The following ANTXRL variants were observed in gnomAD, a reference collection of about 807,000 sequenced individuals.
ANTXRL encodes ANTXR like.
Under a neutral mutation model 75.4 loss-of-function variants are expected in ANTXRL, and 63 were observed. The observed-to-expected ratio is 0.84, with a 90% CI of 0.68 to 1.03. The LOEUF (loss-of-function observed/expected upper bound fraction) is 1.03. ANTXRL is among the 50% of genes least tolerant of loss of function. The pLI is 0.00. For synonymous variants in ANTXRL, 335 were observed against 291.3 expected, an observed-to-expected ratio of 1.15 and a Z score of -1.53; for missense variants, 797 against 789.4, an observed-to-expected ratio of 1.01 and a Z score of -0.12.
intron 9 of ANTXRL, among the ~76,000 whole-genome samples, chr10:46,298,766 T>G (rs1837538930): frequency 6.6e-6 from 1 of 150,650 alleles, no homozygotes; most frequent in Non-Finnish European, 1.5e-5. Flanking sequence ...GTGTGTTTGC[T>G]ATTTATGTGT....
intron 16 of ANTXRL, among the ~76,000 whole-genome samples, chr10:46,328,386 C>T (rs1839329954): frequency 2.0e-5 from 3 of 152,110 alleles, no homozygotes; most frequent in Non-Finnish European, 4.4e-5. Flanking sequence ...AACAATTCTC[C>T]TTGAAAAGGC....
chr10:46,318,309 G>A (rs1838831636), intron 16 of ANTXRL, among the ~76,000 whole-genome samples: 2 of 151,966 alleles, frequency 1.3e-5, no homozygotes, highest in African/African-American at 2.4e-5. Context: ...CCATATATAA[G>A]TGTAACACAA....
intron 3 of ANTXRL, among the ~76,000 whole-genome samples, chr10:46,295,643 C>T (rs546481704): frequency 9.6e-5 from 13 of 135,414 alleles, no homozygotes; most frequent in African/African-American, 3.4e-4. Context: ...ACCCCATTGT[C>T]AGTGGCTGAC....
intron 1 of ANTXRL, among the ~76,000 whole-genome samples, chr10:46,289,926 C>T (rs2132635911): frequency 6.6e-6 from 1 of 152,148 alleles, no homozygotes; most frequent in South Asian, 2.1e-4. Context: ...TCTGTCTGAC[C>T]TTTTTCACTT....
intron 16 of ANTXRL, among the ~76,000 whole-genome samples, chr10:46,318,434 G>A (rs1554965035): frequency 6.6e-6 from 1 of 151,920 alleles, no homozygotes; most frequent in Non-Finnish European, 1.5e-5. Context: ...GAATTCATGA[G>A]CTTGCTATGT....
intron 13 of ANTXRL, among the ~76,000 whole-genome samples, chr10:46,309,941 A>G (rs1279765829): frequency 3.9e-5 from 6 of 152,066 alleles, no homozygotes; most frequent in African/African-American, 1.4e-4. Context: ...GGGTGGACGG[A>G]CCCAGCTCAG....
chr10:46,310,140 G>A (rs782390476), intron 13 of ANTXRL, among the ~76,000 whole-genome samples: 1 of 152,118 alleles, frequency 6.6e-6, no homozygotes, highest in Non-Finnish European at 1.5e-5. Context: ...TGGGGCGAAC[G>A]CTGTCTTCTC....
rs554361544 is a variant in ANTXRL at position 46,329,825 on chromosome 10, G to A, written c.1637G>A (p.Arg546His). 4.0e-5 allele frequency: 62 copies of A among 1,531,860 alleles called. 1 individual carries two copies. The African/African-American group carries it at 5.7e-4, about 14-fold the overall frequency. 94.9% of individuals were successfully genotyped at this position (1,531,860 alleles called of 1,614,324 possible). The change falls in exon 17 of 17, where the codon CGC becomes CAC. Residue 546 changes from arginine (R) to histidine (H), a missense_variant. Physicochemically the swap from Arg to His is conservative, Grantham distance 29 (BLOSUM62 0). Coordinates refer to ENST00000620264, the MANE Select transcript of ANTXRL (RefSeq NM_001278688.3). Reference sequence around the variant, plus strand: ...CAACACAGCAGGGAGTGCCTTGCCCGCAAACAGGCTCCCTGCAGCCCAAGG... The same window carrying A: ...CAACACAGCAGGGAGTGCCTTGCCCACAAACAGGCTCCCTGCAGCCCAAGG... ...HSQHSRECLA[R>H]KQAPCSPRIC...
At chr10:46,308,351 G>A in intron 12 of ANTXRL, 1 of 415,372 alleles carries the variant, frequency 2.4e-6, no homozygotes. Flanking sequence ...CTCAGCCTCA[G>A]TGGTTCCTCT....
chr10:46,328,213 A>T (rs1368751004), intron 16 of ANTXRL, among the ~76,000 whole-genome samples: 2 of 152,180 alleles, frequency 1.3e-5, no homozygotes. Flanking sequence ...GAGTCTGAAA[A>T]GGTGAGCAGC....
chr10:46,292,000 C>T, intron 1 of ANTXRL, 58 bp from the exon 2 acceptor site: 3 of 1,466,676 alleles, frequency 2.0e-6, no homozygotes, highest in Non-Finnish European at 2.8e-6. Flanking sequence ...GCGGGGCAGA[C>T]ACTTGCCCAT....
intron 9 of ANTXRL, 107 bp from the exon 10 acceptor site, chr10:46,302,604 TCCTTACAGGAG>T (rs1554960830): frequency 1.4e-6 from 1 of 696,188 alleles, no homozygotes; most frequent in African/African-American, 1.8e-5. Context: ...CACAGCTCTT[TCCTTACAGGAG>T]CCTCTGTGAA....
chr10:46,303,248 GT>G (rs1837866215), intron 10 of ANTXRL, among the ~76,000 whole-genome samples: 1 of 152,192 alleles, frequency 6.6e-6, no homozygotes, highest in Non-Finnish European at 1.5e-5. Context: ...AGAGGGGTAT[GT>G]TTACCTTGCA....
rs548187942 is a variant in ANTXRL at position 46,325,272 on chromosome 10, A to C, written c.1411-4327A>C. ...GAGCCTTGGTGGTAGACTGAGACAAAAGTCAACAATCTCCTTTCCCAGTGT... is the reference window on the plus strand; with the variant it reads ...GAGCCTTGGTGGTAGACTGAGACAACAGTCAACAATCTCCTTTCCCAGTGT... On this transcript the variant is annotated intron_variant, in intron 16 of 16. Coordinates refer to ENST00000620264, the MANE Select transcript of ANTXRL (RefSeq NM_001278688.3). 2.0e-5 allele frequency among the ~76,000 whole-genome samples: 3 copies of C among 152,160 alleles called. No homozygotes were observed. In the East Asian group the frequency reaches 5.8e-4, roughly 29 times the overall value.
Position 46,287,332 on chromosome 10 carries a change from CT to C in ANTXRL, c.75del (p.Phe25LeufsTer63). ...GCTGCTGCTGCTGCTTCCTCCACCG[CT>C]TTTTAGAGCAGGAAGCCTTCGGTAC... ...FLLLLLLPPP[L>X]FRAGSLRYHG... is the part of the protein sequence containing the mutation. On this transcript the variant is annotated frameshift_variant, in exon 1 of 17. Transcript: ENST00000620264. LOFTEE classifies it high-confidence loss of function. 3 of 1,536,014 alleles carry C rather than the reference CT, an allele frequency of 2.0e-6. No homozygotes were observed. Among genetic ancestry groups the C allele is most frequent in the Non-Finnish European group, 2.6e-6 (3 of 1,146,776 alleles).
At chr10:46,305,854 G>A (rs78627049) in intron 10 of ANTXRL, among the ~76,000 whole-genome samples, 3,688 of 151,774 alleles carry the variant, frequency 0.024, 70 homozygotes, top group Non-Finnish European at 0.037. Context: ...GGTAAATGGT[G>A]TCGCTGTCCA....
chr10:46,311,409 G>C, intron 14 of ANTXRL, 101 bp from the exon 15 acceptor site: 2 of 1,404,192 alleles, frequency 1.4e-6, no homozygotes, highest in Non-Finnish European at 1.9e-6. Flanking sequence ...CTGTGGTGTG[G>C]GTTTCTTTCT....
At chr10:46,290,459 C>T (rs1836939956) in intron 1 of ANTXRL, among the ~76,000 whole-genome samples, 1 of 152,164 alleles carries the variant, frequency 6.6e-6, no homozygotes, top group African/African-American at 2.4e-5. Context: ...ACTCTCACTT[C>T]TTTTTGGTAT....
chr10:46,326,727 C>T (rs186531583), intron 16 of ANTXRL, among the ~76,000 whole-genome samples: 3 of 152,198 alleles, frequency 2.0e-5, no homozygotes, highest in Admixed American at 1.3e-4. Context: ...GAGTGACCTG[C>T]ACTCTGGGTC....
Sources: gnomAD v4.1 joint callset for allele counts (sites outside exome capture counted in the v4.1 genomes callset) on GRCh38, gnomAD v4.1.1 for gene constraint, MANE v1.5 for transcripts, NCBI Gene and HGNC (gene_info 2026-07-23, HGNC 2026-07-21) for gene names.